Variants in FHOD1 observed in about 807,000 individuals in gnomAD.
FHOD1 encodes the protein formin homology 2 domain containing 1, also known as FH1/FH2 domain-containing protein 1.
In FHOD1, 89 loss-of-function variants were observed where a neutral mutation model predicts 111.6. The observed-to-expected ratio is 0.80, with a 90% CI of 0.67 to 0.95. The LOEUF (loss-of-function observed/expected upper bound fraction) is 0.95, where lower values mean the gene tolerates loss of function less well. Ranked by LOEUF, FHOD1 falls within the 40% of genes least tolerant of loss-of-function variation. FHOD1 has a pLI of 0.00. For missense variants in FHOD1, 1,446 were observed against 1,554.2 expected (o/e 0.93, Z 1.17); for synonymous variants, 618 against 639.0 (o/e 0.97, Z 0.50).
Position 67,232,069 on chromosome 16 carries a change from AT to A in FHOD1, c.2171del (p.Asp724ValfsTer14), listed in dbSNP as rs1324085839. On this transcript the variant is annotated frameshift_variant, in exon 14 of 22. Coordinates refer to ENST00000258201, the MANE Select transcript of FHOD1 (RefSeq NM_013241.3). LOFTEE classifies it high-confidence loss of function. ...HVIKAALLNF[D>X]EFAVSKDGIE... ...TGCCATCCTTGCTGACAGCAAACTC[AT>A]CAAAGTTGAGCAGAGCAGCCTTAAT... is the stretch of plus-strand genomic sequence containing the variant. The A allele has an allele frequency of 6.2e-7, 1 of 1,614,224 alleles. No individual in the cohort carries two copies. The highest frequency in any genetic ancestry group is 1.1e-5 in the South Asian group (1 of 91,088).
In FHOD1 at chr16:67,236,110, G is replaced by A. The variant is rs952144791; in HGVS notation, c.1319+447C>T. 3.4e-6 allele frequency: 3 copies of A among 875,158 alleles called. No individual in the cohort carries two copies. The African/African-American group carries it at 5.4e-5, about 16-fold the overall frequency. The allele number at this position is 875,158 out of a possible 1,614,324, so 54.2% of individuals were successfully genotyped here. A position where few individuals can be genotyped will look rare whatever the true frequency, so the allele number is the denominator to read the frequency against. On this transcript the variant is annotated intron_variant, in intron 11 of 21. Transcript: ENST00000258201. ...GAGAGGAAGAGATGGTAACTGTGGT[G>A]TCAGCTCCATGGTTGCTCATACCCA... is the stretch of plus-strand genomic sequence containing the variant.
At position 67,237,653 on chromosome 16, in the gene FHOD1, T is replaced by C. The variant is rs1029761250; in HGVS notation, c.754+4A>G. On this transcript the variant is annotated splice_donor_region_variant and intron_variant, in intron 7 of 21. Transcript: ENST00000258201. This position sits in a 1 kb window ranked among gnomAD's most constrained non-coding sequence, Gnocchi z 5.6. ...GGTGGGGGGAGAAAGGGACAGTCTC[T>C]GACCGGTGGTGCTGGCCACAGAGTT... 1.9e-6 allele frequency: 3 copies of C among 1,613,992 alleles called. No homozygotes were observed. The African/African-American group carries it at 4.0e-5, about 22-fold the overall frequency.
At chr16:67,246,809 G>C in intron 1 of FHOD1, 1 of 194,566 alleles carries the variant, frequency 5.1e-6, no homozygotes, top group Non-Finnish European at 1.0e-5. Context: ...GCCCCTCCTC[G>C]TGGTCCCGCC....
Position 67,236,618 on chromosome 16 carries a change from G to T in FHOD1, c.1258C>A (p.Leu420Ile). Residue 420 changes from leucine to isoleucine, a missense_variant, in exon 11 of 22, where the codon CTT becomes ATT. Leu to Ile is a conservative substitution (Grantham distance 5, BLOSUM62 2). Transcript: ENST00000258201. ...GGTGCCACAGAGATGGTAGGAAAAAGGTTCACTGAAGCTTGGAGACCGGAG... is the reference window on the plus strand; with the variant it reads ...GGTGCCACAGAGATGGTAGGAAAAATGTTCACTGAAGCTTGGAGACCGGAG... ...PPSGLQASVN[L>I]FPTISVAPSA... is the part of the protein sequence containing the mutation. 2 of 1,613,762 alleles carry T rather than the reference G, an allele frequency of 1.2e-6. No individual in the cohort carries two copies. The highest frequency in any genetic ancestry group is 1.7e-6 in the Non-Finnish European group (2 of 1,179,904).
Position 67,229,584 on chromosome 16 carries a change from A to G in FHOD1, c.*52T>C. 6 of 1,512,894 alleles carry G rather than the reference A, an allele frequency of 4.0e-6. No homozygotes were observed. The highest frequency in any genetic ancestry group is 5.5e-6 in the Non-Finnish European group (6 of 1,087,730). The allele number at this position is 1,512,894 out of a possible 1,614,324, so 93.7% of individuals were successfully genotyped here. ...TGCTCTGGGCCCTCCTCACTCTGTC[A>G]TCTCCTGCACTGCAGTCCAGGGTCC... On this transcript the variant is annotated 3_prime_UTR_variant, in exon 22 of 22. Coordinates refer to ENST00000258201, the MANE Select transcript of FHOD1 (RefSeq NM_013241.3).
chr16:67,233,018 A>G (rs2142269481), intron 13 of FHOD1, among the ~76,000 whole-genome samples: 1 of 152,036 alleles, frequency 6.6e-6, no homozygotes, highest in Admixed American at 6.5e-5. Flanking sequence ...TGGCCTCCCA[A>G]AGTGCTGGGA....
Position 67,231,890 on chromosome 16 carries a change from C to A in FHOD1, c.2203-71G>T. The A allele has an allele frequency of 6.4e-7, 1 of 1,554,676 alleles. No homozygotes were observed. On this transcript the variant is annotated intron_variant, in intron 14 of 21. Coordinates refer to ENST00000258201, the MANE Select transcript of FHOD1 (RefSeq NM_013241.3). The surrounding 1 kb of genome is among the most constrained non-coding windows in gnomAD (Gnocchi z 4.3). ...TGAGGCCTGAGGCATTGGTCTTGAC[C>A]CCTCAGTCATCTAGGGGAGGCCCCA... is the stretch of plus-strand genomic sequence containing the variant.
chr16:67,247,029 CCCT>C, intron 1 of FHOD1, 178 bp downstream of exon 1: 1 of 663,824 alleles, frequency 1.5e-6, no homozygotes, highest in East Asian at 3.2e-5. Flanking sequence ...CTTCAGTTTC[CCCT>C]CAACTTGAGA....
At position 67,236,690 on chromosome 16, in the gene FHOD1, C is replaced by T. The variant is rs775259952; in HGVS notation, c.1186G>A (p.Gly396Ser). ...GCGGGGCCTGTCAGCAGGGCGGGGC[C>T]GGTGGAAGAGGTGGGGCCTACCGGT... ...ASPVGPTSST[G>S]PALLTGPASS... Residue 396 changes from glycine to serine, a missense_variant, in exon 11 of 22, where the codon GGC becomes AGC. Physicochemically the swap from Gly to Ser is moderately conservative, Grantham distance 56. Transcript: ENST00000258201. 3.2e-6 allele frequency: 5 copies of T among 1,585,230 alleles called. No homozygotes were observed. Among genetic ancestry groups the T allele is most frequent in the South Asian group, 1.1e-5 (1 of 88,034 alleles).
rs760527651 is a variant in FHOD1 at position 67,230,091 on chromosome 16, G to C, written c.3189C>G (p.Asp1063Glu). ...MKSLLTSRPE[D>E]TTHNRRSRGM... ...CTCTGCTGCGGCGATTGTGTGTGGTGTCCTCAGGCCTGCTGGTCAGCAGAC... is the reference window on the plus strand; with the variant it reads ...CTCTGCTGCGGCGATTGTGTGTGGTCTCCTCAGGCCTGCTGGTCAGCAGAC... The change falls in exon 20 of 22, where the codon GAC becomes GAG. Residue 1063 changes from aspartate to glutamate, a missense_variant. Coordinates refer to ENST00000258201, the MANE Select transcript of FHOD1 (RefSeq NM_013241.3). The C allele has an allele frequency of 1.9e-6, 3 of 1,614,160 alleles. No homozygotes were observed. The highest frequency in any genetic ancestry group is 1.7e-4 in the Middle Eastern group (1 of 6,060).
Position 67,236,719 on chromosome 16 carries a change from G to A in FHOD1, c.1157C>T (p.Ala386Val). Residue 386 changes from alanine (A) to valine (V), a missense_variant, in exon 11 of 22, where the codon GCC (alanine) becomes GTC (valine). By Grantham distance (64) the Ala-to-Val change is moderately conservative. Around this residue, in one of 3 missense-constraint regions of FHOD1, gnomAD observed 1,085 missense variants for 1,108.8 expected, o/e 0.98. Transcript: ENST00000258201. ...RAPEPGPTGPASPVGPTSSTG... is the reference protein window; with the variant it reads ...RAPEPGPTGPVSPVGPTSSTG... ...GGAAGAGGTGGGGCCTACCGGTGAG[G>A]CGGGGCCTGTGGGGCTGAAAGCAGG... The A allele has an allele frequency of 1.3e-6, 2 of 1,560,642 alleles. No individual in the cohort carries two copies. The highest frequency in any genetic ancestry group is 1.7e-6 in the Non-Finnish European group (2 of 1,152,662).
Position 67,236,742 on chromosome 16 carries a change from A to G in FHOD1, c.1143-9T>C. ...AGGCGGGGCCTGTGGGGCTGAAAGC[A>G]GGGGCTGTCAGTGGGGCGGGGCCTG... On this transcript the variant is annotated splice_polypyrimidine_tract_variant and intron_variant, in intron 10 of 21. Transcript: ENST00000258201. The G allele has an allele frequency of 9.6e-7, 1 of 1,046,292 alleles. No homozygotes were observed. Among genetic ancestry groups the G allele is most frequent in the Non-Finnish European group, 1.2e-6 (1 of 861,742 alleles). The allele number at this position is 1,046,292 out of a possible 1,614,324, so 64.8% of individuals were successfully genotyped here.
At chr16:67,241,680 T>C (rs1372017024) in intron 1 of FHOD1, among the ~76,000 whole-genome samples, 1 of 152,068 alleles carries the variant, frequency 6.6e-6, no homozygotes, top group Non-Finnish European at 1.5e-5. Context: ...AGCTCACAAA[T>C]GAATGTGGAA....
At position 67,231,015 on chromosome 16, in the gene FHOD1, G is replaced by A; in HGVS notation, c.2667+173C>T. 1 of 927,124 alleles carries A rather than the reference G, an allele frequency of 1.1e-6. No homozygotes were observed. 57.4% of individuals were successfully genotyped at this position (927,124 alleles called of 1,614,324 possible). On this transcript the variant is annotated intron_variant, in intron 17 of 21. Transcript: ENST00000258201. This position sits in a 1 kb window ranked among gnomAD's most constrained non-coding sequence, Gnocchi z 4.3. ...ACAGACCCAAAGACTGAGTAGGTGT[G>A]GCCAGGCCAATAGAGGAAAGAGCAT...
intron 1 of FHOD1, 52 bp from the exon 2 acceptor site, chr16:67,239,506 G>C (rs781627673): frequency 4.4e-6 from 6 of 1,368,782 alleles, no homozygotes. Flanking sequence ...GCAGGCGAAT[G>C]TATGAAGACC....
chr16:67,229,801 C>T lies in FHOD1; in HGVS notation c.3404G>A (p.Arg1135His), dbSNP rs746859450. The change falls in exon 21 of 22, where the codon CGC (arginine) becomes CAC (histidine). Residue 1135 changes from arginine to histidine, a missense_variant. Physicochemically the swap from Arg to His is conservative, Grantham distance 29. Around this residue, in one of 3 missense-constraint regions of FHOD1, gnomAD observed 1,085 missense variants for 1,108.8 expected, o/e 0.98. Coordinates refer to ENST00000258201, the MANE Select transcript of FHOD1 (RefSeq NM_013241.3). ...ARERKRSRGNRKSLRRTLKSG... is the reference protein window; with the variant it reads ...ARERKRSRGNHKSLRRTLKSG... ...TGTGGGGGGTTACTTACAAGACTTG[C>T]GGTTGCCGCGGGAACGCTTGCGTTC... 1.3e-5 allele frequency: 21 copies of T among 1,614,184 alleles called. No individual in the cohort carries two copies. The highest frequency in any genetic ancestry group is 1.5e-5 in the Non-Finnish European group (18 of 1,180,032).
At position 67,236,549 on chromosome 16, in the gene FHOD1, C is replaced by G. The variant is rs771018740; in HGVS notation, c.1319+8G>C. 4.3e-5 allele frequency: 69 copies of G among 1,611,214 alleles called. 1 individual carries two copies. Among genetic ancestry groups the G allele is most frequent in the Admixed American group, 5.0e-5 (3 of 59,690 alleles). On this transcript the variant is annotated splice_region_variant and intron_variant, in intron 11 of 21. Transcript: ENST00000258201. ...GGACTCCAGGGTGGCCTCTGTCTCCCTACTTACTTGTAGATGCTCCTCTCG... is the reference window on the plus strand; with the variant it reads ...GGACTCCAGGGTGGCCTCTGTCTCCGTACTTACTTGTAGATGCTCCTCTCG...
In FHOD1 at chr16:67,237,932, C is replaced by A; in HGVS notation, c.642+102G>T. On this transcript the variant is annotated intron_variant, in intron 6 of 21. Transcript: ENST00000258201. The surrounding 1 kb of genome is among the most constrained non-coding windows in gnomAD (Gnocchi z 5.6). ...GAAGTGCCTTATAGGCTTACAGAGGCCTCAGACTCACTCCCTTCCAGCTCA... is the reference window on the plus strand; with the variant it reads ...GAAGTGCCTTATAGGCTTACAGAGGACTCAGACTCACTCCCTTCCAGCTCA... 7.3e-7 allele frequency: 1 copy of A among 1,377,738 alleles called. No homozygotes were observed. Among genetic ancestry groups the A allele is most frequent in the Admixed American group, 1.7e-5 (1 of 57,462 alleles). 85.3% of individuals were successfully genotyped at this position (1,377,738 alleles called of 1,614,324 possible). A position where few individuals can be genotyped will look rare whatever the true frequency, so the allele number is the denominator to read the frequency against.
rs763930943 is a variant in FHOD1 at position 67,238,892 on chromosome 16, C to T, written c.373+11G>A. 1.9e-6 allele frequency: 3 copies of T among 1,614,088 alleles called. No individual in the cohort carries two copies. Among genetic ancestry groups the T allele is most frequent in the Non-Finnish European group, 2.5e-6 (3 of 1,179,922 alleles). ...AGGTGCTGCTGGACATGGATGCTCT[C>T]ACACACTCACCCAAGATAGCGTTGA... On this transcript the variant is annotated intron_variant, in intron 3 of 21. Transcript: ENST00000258201. The surrounding 1 kb of genome is among the most constrained non-coding windows in gnomAD (Gnocchi z 4.2).
Sources: allele counts gnomAD v4.1 joint callset (sites outside exome capture counted in the v4.1 genomes callset), GRCh38; gene constraint gnomAD v4.1.1; regional missense constraint gnomAD v4.1.1; non-coding constraint Gnocchi (gnomAD v3.1); transcripts MANE v1.5; gene names NCBI Gene and HGNC (gene_info 2026-07-23, HGNC 2026-07-21).